FRAS1: variants seen among roughly 807,000 people sequenced by gnomAD.
FRAS1 encodes the protein Fraser extracellular matrix complex subunit 1.
In FRAS1, 290 loss-of-function variants were observed where a neutral mutation model predicts 435.2. That is an observed-to-expected ratio of 0.67 (90% CI 0.61 to 0.73). FRAS1 has a LOEUF of 0.73. FRAS1 is among the 30% of genes least tolerant of loss of function. The probability of loss-of-function intolerance (pLI) is 0.00; values close to 1 mark genes in which losing one functional copy is unlikely to be tolerated. For synonymous variants in FRAS1, 1,800 were observed against 1,851.0 expected, an observed-to-expected ratio of 0.97 and a Z score of 0.71; for missense variants, 4,860 against 5,001.5, an observed-to-expected ratio of 0.97 and a Z score of 0.85.
intron 2 of FRAS1, among the ~76,000 whole-genome samples, chr4:78,211,923 A>G (rs1286344182): frequency 6.6e-6 from 1 of 152,098 alleles, no homozygotes; most frequent in East Asian, 1.9e-4. Flanking sequence ...CCTATTGTAG[A>G]TATTTTAGAA....
chr4:78,455,278 T>TGTCAAAA (rs5859626), intron 47 of FRAS1, among the ~76,000 whole-genome samples: 114,904 of 151,574 alleles, frequency 0.76, 44,145 homozygotes, highest in African/African-American at 0.86. Context: ...TGTTTTTACA[T>TGTCAAAA]GCCTCCCTTT....
At chr4:78,118,144 A>G (rs1414393955) in intron 2 of FRAS1, among the ~76,000 whole-genome samples, 1 of 152,178 alleles carries the variant, frequency 6.6e-6, no homozygotes, top group Non-Finnish European at 1.5e-5. Context: ...GCAGAACAGC[A>G]GATATTGGTG....
intron 71 of FRAS1, among the ~76,000 whole-genome samples, chr4:78,535,032 A>G (rs11098224): frequency 0.43 from 65,851 of 151,854 alleles, 14,961 homozygotes; most frequent in East Asian, 0.79. Context: ...TCACTTCTCT[A>G]TCCGTTTACC....
At chr4:78,509,763 A>G (rs1720973533) in intron 63 of FRAS1, among the ~76,000 whole-genome samples, 1 of 152,240 alleles carries the variant, frequency 6.6e-6, no homozygotes, top group South Asian at 2.1e-4. Context: ...GTTCTCTTCC[A>G]AAAGTGAGCT....
chr4:78,376,406 T>G (rs1480018071), intron 26 of FRAS1, among the ~76,000 whole-genome samples: 1 of 152,166 alleles, frequency 6.6e-6, no homozygotes, highest in African/African-American at 2.4e-5. Flanking sequence ...GTATTTGTGT[T>G]TCTAAACATA....
At chr4:78,148,268 G>C (rs980187584) in intron 2 of FRAS1, among the ~76,000 whole-genome samples, 8 of 152,074 alleles carry the variant, frequency 5.3e-5, no homozygotes, top group Non-Finnish European at 1.5e-5. Context: ...AAAATTTTAA[G>C]TTTTATTGAT....
At chr4:78,319,559 G>T in intron 18 of FRAS1, 2 of 336,484 alleles carry the variant, frequency 5.9e-6, no homozygotes, top group Non-Finnish European at 1.2e-5. Flanking sequence ...TGGGTGAATA[G>T]TTTGACTCTA....
chr4:78,066,165 T>A (rs1578101399), intron 2 of FRAS1, 149 bp downstream of exon 2: 1 of 668,582 alleles, frequency 1.5e-6, no homozygotes, highest in African/African-American at 1.8e-5. Context: ...GGCACAATGA[T>A]GCTCAATTAT....
At chr4:78,364,953 A>T (rs1000451463) in intron 22 of FRAS1, among the ~76,000 whole-genome samples, 6 of 152,208 alleles carry the variant, frequency 3.9e-5, no homozygotes, top group Non-Finnish European at 7.3e-5. Context: ...TATGACCTTG[A>T]GCAAGCCAAT....
At position 78,513,342 on chromosome 4, in the gene FRAS1, AC is replaced by A. The variant is rs757625122; in HGVS notation, c.10014-48del. 6 of 1,583,640 alleles carry A rather than the reference AC, an allele frequency of 3.8e-6. No homozygotes were observed. The South Asian group carries it at 6.7e-5, about 18-fold the overall frequency. On this transcript the variant is annotated intron_variant, in intron 64 of 73. Transcript: ENST00000512123. ...GATGAGAAAGAAGTATGTCCTATTG[AC>A]CATTTATAGCAGTCAGCTAAACATT...
intron 2 of FRAS1, among the ~76,000 whole-genome samples, chr4:78,209,232 G>A (rs984066991): frequency 1.3e-5 from 2 of 152,116 alleles, no homozygotes; most frequent in Admixed American, 6.5e-5. Flanking sequence ...AAAGTGAATT[G>A]TAGTTTTTAT....
At chr4:78,066,088 T>A in intron 2 of FRAS1, 72 bp downstream of exon 2, 1 of 1,006,278 alleles carries the variant, frequency 9.9e-7, no homozygotes, top group Non-Finnish European at 1.6e-6. Flanking sequence ...CCTGAGTGAG[T>A]GAGTTGACCC....
chr4:78,476,619 T>C (rs1442076586), intron 54 of FRAS1, among the ~76,000 whole-genome samples: 1 of 152,192 alleles, frequency 6.6e-6, no homozygotes, highest in Admixed American at 6.5e-5. Context: ...AAAGAACAGA[T>C]AAGCTAATGT....
Position 78,445,617 on chromosome 4 carries a change from C to T in FRAS1, c.5761C>T (p.His1921Tyr). The T allele has an allele frequency of 6.2e-7, 1 of 1,613,826 alleles. No individual in the cohort carries two copies. Among genetic ancestry groups the T allele is most frequent in the Admixed American group, 1.7e-5 (1 of 60,022 alleles). ...ENYIYYFQSVHESIEPTHDIF... is the reference protein window; with the variant it reads ...ENYIYYFQSVYESIEPTHDIF... ...CTACATTTACTACTTTCAGAGTGTT[C>T]ATGAAAGCATTGAGCCAACCCATGA... The change falls in exon 42 of 74, where the codon CAT becomes TAT. Residue 1921 changes from histidine to tyrosine, a missense_variant. Physicochemically the swap from His to Tyr is moderately conservative, Grantham distance 83. Coordinates refer to ENST00000512123, the MANE Select transcript of FRAS1 (RefSeq NM_025074.7).
intron 41 of FRAS1, chr4:78,444,004 A>G (rs1424596351): frequency 5.7e-6 from 2 of 349,288 alleles, no homozygotes; most frequent in African/African-American, 4.3e-5. Flanking sequence ...ATCCGCCATC[A>G]TGCCTGGCAA....
intron 15 of FRAS1, among the ~76,000 whole-genome samples, chr4:78,313,367 C>G (rs1323753961): frequency 6.6e-6 from 1 of 152,096 alleles, no homozygotes; most frequent in Admixed American, 6.6e-5. Context: ...ACATTTGGCC[C>G]CATCATTTAG....
intron 13 of FRAS1, among the ~76,000 whole-genome samples, chr4:78,285,076 G>A (rs1444958216): frequency 1.3e-5 from 2 of 152,102 alleles, no homozygotes; most frequent in African/African-American, 2.4e-5. Context: ...ATCCAGAATG[G>A]GTTTATGTGC....
intron 2 of FRAS1, among the ~76,000 whole-genome samples, chr4:78,186,856 T>C (rs1335544420): frequency 1.3e-5 from 2 of 152,274 alleles, no homozygotes; most frequent in African/African-American, 2.4e-5. Flanking sequence ...TGTCTAATTA[T>C]GCCTAAACTC....
In FRAS1 at chr4:78,518,447, TATA is replaced by T. The variant is rs1560423192; in HGVS notation, c.10390-883_10390-881del. Among the ~76,000 whole-genome samples, 1,124 of 127,574 alleles carry T rather than the reference TATA, an allele frequency of 8.8e-3. 20 individuals are homozygous for T. In the East Asian group the frequency reaches 0.089, roughly 10 times the overall value. The allele number at this position is 127,574 out of a possible 152,430, so 83.7% of individuals were successfully genotyped here. A position where few individuals can be genotyped will look rare whatever the true frequency, so the allele number is the denominator to read the frequency against. ...GTATATATATATATATATATATATA[TATA>T]TATTTATTTATTTATTTATTTGTGG... is the stretch of plus-strand genomic sequence containing the variant. On this transcript the variant is annotated intron_variant, in intron 66 of 73. Coordinates refer to ENST00000512123, the MANE Select transcript of FRAS1 (RefSeq NM_025074.7).
Sources: gnomAD v4.1 joint callset for allele counts (sites outside exome capture counted in the v4.1 genomes callset) on GRCh38, gnomAD v4.1.1 for gene constraint, MANE v1.5 for transcripts, NCBI Gene and HGNC (gene_info 2026-07-23, HGNC 2026-07-21) for gene names.